Variants in PCDHA4 observed in about 807,000 individuals in gnomAD.
PCDHA4 encodes protocadherin alpha-4.
Under a neutral mutation model 61.4 loss-of-function variants are expected in PCDHA4, and 49 were observed. The observed-to-expected ratio is 0.80, with a 90% CI of 0.63 to 1.01. The LOEUF is 1.01. Among genes scored for constraint, PCDHA4 ranks in the 50% least tolerant of loss-of-function variants. The pLI is 0.00. For missense variants in PCDHA4, 1,254 were observed against 1,235.8 expected, an observed-to-expected ratio of 1.01 and a Z score of -0.22; for synonymous variants, 590 against 550.3, an observed-to-expected ratio of 1.07 and a Z score of -1.01.
In PCDHA4 at chr5:140,928,550, C is replaced by T. The variant is rs781857799; in HGVS notation, c.2386-50399C>T. The T allele has an allele frequency of 3.7e-6, 6 of 1,614,160 alleles. No individual in the cohort carries two copies. Among genetic ancestry groups the T allele is most frequent in the South Asian group, 3.3e-5 (3 of 91,084 alleles). On this transcript the variant is annotated intron_variant, in intron 1 of 3. Transcript: ENST00000530339. ...GTGGTAGATAGGAATGACAATTATC[C>T]GGTTATCTTGTTTCCCTTGCCCAGA...
At chr5:140,829,695 T>C in intron 1 of PCDHA4, 1 of 1,613,284 alleles carries the variant, frequency 6.2e-7, no homozygotes, top group Non-Finnish European at 8.5e-7. Context: ...CAGTTTCAGG[T>C]GAGCGCGCGC....
In PCDHA4 at chr5:140,809,520, ACT is replaced by A. The variant is rs782105819; in HGVS notation, c.2336_2337del (p.Ser779Ter). On this transcript the variant is annotated frameshift_variant, in exon 1 of 4. Coordinates refer to ENST00000530339, the MANE Select transcript of PCDHA4 (RefSeq NM_018907.4). LOFTEE classifies it high-confidence loss of function. ...ATGGCCTTCAGCCCCAGTTTACCTG[ACT>A]CTAGGGACAGAGAAGATCAGCTGCA... is the stretch of plus-strand genomic sequence containing the variant. 1 of 1,614,164 alleles carries A rather than the reference ACT, an allele frequency of 6.2e-7. No individual in the cohort carries two copies.
intron 1 of PCDHA4, chr5:140,877,489 G>A: frequency 6.2e-7 from 1 of 1,613,844 alleles, no homozygotes; most frequent in Non-Finnish European, 8.5e-7. Context: ...GGTGGAGAAC[G>A]GCCAGGCCCC....
At chr5:140,867,441 G>C (rs1188505395) in intron 1 of PCDHA4, 1 of 152,032 alleles carries the variant, frequency 6.6e-6, no homozygotes, top group Non-Finnish European at 1.5e-5. Flanking sequence ...GCATTTACCT[G>C]AATTAGAGTT....
chr5:140,986,154 A>G (rs2097188970), intron 3 of PCDHA4, among the ~76,000 whole-genome samples: 1 of 152,182 alleles, frequency 6.6e-6, no homozygotes, highest in Non-Finnish European at 1.5e-5. Context: ...TCACCAAGTA[A>G]TGTTTTCTGC....
intron 3 of PCDHA4, among the ~76,000 whole-genome samples, chr5:140,995,158 A>G (rs1554254485): frequency 6.6e-6 from 1 of 152,180 alleles, no homozygotes; most frequent in African/African-American, 2.4e-5. Flanking sequence ...TATATACATT[A>G]TGTTCTTTCA....
intron 1 of PCDHA4, chr5:140,863,232 G>A (rs1283717964): frequency 8.1e-7 from 1 of 1,230,740 alleles, no homozygotes; most frequent in Non-Finnish European, 1.1e-6. Context: ...AGGTCCCATC[G>A]CGGGCTTTGG....
At chr5:140,836,796 C>T (rs2150270125) in intron 1 of PCDHA4, 1 of 1,377,882 alleles carries the variant, frequency 7.3e-7, no homozygotes, top group Admixed American at 2.4e-5. Flanking sequence ...CAATTGGTCT[C>T]CTTAAATTTT....
chr5:140,869,123 G>A, intron 1 of PCDHA4: 1 of 1,608,454 alleles, frequency 6.2e-7, no homozygotes, highest in South Asian at 1.1e-5. Flanking sequence ...TTTCAGAGAA[G>A]GGGATTGGGC....
chr5:140,884,168 A>G (rs1562800814), intron 1 of PCDHA4: 1 of 1,613,300 alleles, frequency 6.2e-7, no homozygotes, highest in South Asian at 1.1e-5. Context: ...GATCAGCACG[A>G]CGCGCCCTCT....
intron 1 of PCDHA4, among the ~76,000 whole-genome samples, chr5:140,975,946 A>T (rs989122714): frequency 6.6e-6 from 1 of 152,210 alleles, no homozygotes; most frequent in Non-Finnish European, 1.5e-5. Context: ...AATAGGACAT[A>T]TTAGAGTTCT....
In PCDHA4 at chr5:140,850,723, G is replaced by A; in HGVS notation, c.2385+41151G>A. ...GGCAAGCCGACGCTGGTGTGTTCTA[G>A]CGCGGTGGGGAGTTGGTCGTACTCG... On this transcript the variant is annotated intron_variant, in intron 1 of 3. Coordinates refer to ENST00000530339, the MANE Select transcript of PCDHA4 (RefSeq NM_018907.4). 17 of 1,598,038 alleles carry A rather than the reference G, an allele frequency of 1.1e-5. 1 individual carries two copies. The highest frequency in any genetic ancestry group is 1.5e-5 in the Non-Finnish European group (17 of 1,167,660).
chr5:140,869,484 C>G (rs782167038), intron 1 of PCDHA4: 2 of 1,613,948 alleles, frequency 1.2e-6, no homozygotes, highest in Non-Finnish European at 1.7e-6. Context: ...AGGACATTAA[C>G]GACAACCCGC....
chr5:140,843,845 C>T (rs1191998999), intron 1 of PCDHA4: 4 of 1,001,396 alleles, frequency 4.0e-6, no homozygotes, highest in African/African-American at 1.6e-5. Context: ...TTTTTAGAAA[C>T]CTTTTATAAT....
chr5:140,870,549 C>G, intron 1 of PCDHA4: 1 of 1,614,064 alleles, frequency 6.2e-7, no homozygotes, highest in Middle Eastern at 1.7e-4. Context: ...GGGACGCGGA[C>G]GCGCAGGAGA....
At chr5:140,932,114 G>A (rs2088047655) in intron 1 of PCDHA4, among the ~76,000 whole-genome samples, 1 of 151,738 alleles carries the variant, frequency 6.6e-6, no homozygotes. Context: ...ATTTCCAATT[G>A]ATAATATTTA....
At chr5:140,872,497 C>G (rs1554166232) in intron 1 of PCDHA4, among the ~76,000 whole-genome samples, 1 of 152,150 alleles carries the variant, frequency 6.6e-6, no homozygotes. Context: ...CCTAGTGGTG[C>G]ATGCCTGTAG....
intron 1 of PCDHA4, among the ~76,000 whole-genome samples, chr5:140,936,151 C>G (rs947807537): frequency 6.6e-6 from 1 of 152,128 alleles, no homozygotes; most frequent in Non-Finnish European, 1.5e-5. Context: ...CCTTGGCCTC[C>G]TAAAGTGCTG....
intron 1 of PCDHA4, chr5:140,823,015 C>G: frequency 1.9e-6 from 3 of 1,614,224 alleles, no homozygotes; most frequent in Non-Finnish European, 2.5e-6. Flanking sequence ...CGCCCTGGAC[C>G]GCGAGAGCGT....
Sources: allele counts gnomAD v4.1 joint callset (sites outside exome capture counted in the v4.1 genomes callset), GRCh38; gene constraint gnomAD v4.1.1; transcripts MANE v1.5; gene names NCBI Gene and HGNC (gene_info 2026-07-23, HGNC 2026-07-21).